Variants in GSE1 observed in about 807,000 individuals in gnomAD.
GSE1 encodes genetic suppressor element 1.
Under a neutral mutation model 112.6 loss-of-function variants are expected in GSE1, and 32 were observed. The observed-to-expected ratio is 0.28, with a 90% CI of 0.21 to 0.38. The LOEUF (loss-of-function observed/expected upper bound fraction) is 0.38. Ranked by LOEUF, GSE1 falls within the 10% of genes least tolerant of loss-of-function variation. The probability of loss-of-function intolerance (pLI) is 1.00; values close to 1 mark genes in which losing one functional copy is unlikely to be tolerated. For synonymous variants in GSE1, 1,115 were observed against 735.6 expected (o/e 1.52, Z -8.35); for missense variants, 2,348 against 1,699.2 (o/e 1.38, Z -6.71).
At chr16:85,421,425 C>A (rs549953925) in intron 2 of GSE1, among the ~76,000 whole-genome samples, 12 of 152,276 alleles carry the variant, frequency 7.9e-5, no homozygotes, top group Non-Finnish European at 1.6e-4. Flanking sequence ...GGGGCTCCAC[C>A]GCCTCATTCA....
intron 1 of GSE1, among the ~76,000 whole-genome samples, chr16:85,305,484 G>A (rs2045653583): frequency 2.7e-5 from 4 of 150,428 alleles, no homozygotes; most frequent in Admixed American, 2.6e-4. Context: ...TTTTTTGTTT[G>A]TTTGTTTTGT....
chr16:85,364,527 G>C (rs757096030), intron 2 of GSE1, among the ~76,000 whole-genome samples: 1 of 152,224 alleles, frequency 6.6e-6, no homozygotes, highest in Non-Finnish European at 1.5e-5. Context: ...CCCCGGTGCC[G>C]TAACAGACAG....
rs1223447476 is a variant in GSE1, at chr16:85,410,174, G to A, written c.2464+52531G>A. 3.3e-3 allele frequency among the ~76,000 whole-genome samples: 103 copies of A among 31,678 alleles called. 1 individual carries two copies. Among genetic ancestry groups the A allele is most frequent in the Non-Finnish European group, 4.1e-3 (75 of 18,090 alleles). The allele number at this position is 31,678 out of a possible 152,430, so 20.8% of individuals were successfully genotyped here. A position where few individuals can be genotyped will look rare whatever the true frequency, so the allele number is the denominator to read the frequency against. ...TCGCTGTTACACTCAGGGCCCCCCT[G>A]GATAATCCTCACTGTTACACTCAGG... is the stretch of plus-strand genomic sequence containing the variant. On this transcript the variant is annotated intron_variant, in intron 2 of 2. Transcript: ENST00000637419.
chr16:85,261,258 T>G (rs767265342), intron 1 of GSE1, among the ~76,000 whole-genome samples: 84 of 152,216 alleles, frequency 5.5e-4, no homozygotes, highest in Middle Eastern at 3.2e-3. Flanking sequence ...CCCAGTGTCG[T>G]GTGCTTGCCT....
At chr16:85,633,541 C>T (rs2049726925) in intron 1 of GSE1, among the ~76,000 whole-genome samples, 1 of 152,192 alleles carries the variant, frequency 6.6e-6, no homozygotes, top group Non-Finnish European at 1.5e-5. Context: ...CACGCCTCCT[C>T]CGCCTGGGCC....
intron 1 of GSE1, among the ~76,000 whole-genome samples, chr16:85,258,474 G>A (rs1440341644): frequency 6.6e-6 from 1 of 152,088 alleles, no homozygotes; most frequent in African/African-American, 2.4e-5. Flanking sequence ...AACAGCAGCA[G>A]GCAAACCCAG....
intron 2 of GSE1, among the ~76,000 whole-genome samples, chr16:85,635,161 A>G (rs1598477469): frequency 6.6e-6 from 1 of 152,132 alleles, no homozygotes; most frequent in East Asian, 1.9e-4. Context: ...TCATTTCTGA[A>G]TGTCTCCTTC....
chr16:85,373,746 G>A lies in GSE1; in HGVS notation c.2464+16103G>A, dbSNP rs967246100. ...GGGACGAAAGGGCGAATGAATGAGCGCTGGCCGCCTTCTCCCGGCAGGCCT... is the reference window on the plus strand; with the variant it reads ...GGGACGAAAGGGCGAATGAATGAGCACTGGCCGCCTTCTCCCGGCAGGCCT... On this transcript the variant is annotated intron_variant, in intron 2 of 2. Transcript: ENST00000637419. This position sits in a 1 kb window ranked among gnomAD's most constrained non-coding sequence, Gnocchi z 5.1. 2.6e-5 allele frequency among the ~76,000 whole-genome samples: 4 copies of A among 152,142 alleles called. No individual in the cohort carries two copies. The highest frequency in any genetic ancestry group is 9.7e-5 in the African/African-American group (4 of 41,442).
chr16:85,200,742 TG>T (rs1315246584), intron 1 of GSE1, among the ~76,000 whole-genome samples: 1 of 152,228 alleles, frequency 6.6e-6, no homozygotes, highest in African/African-American at 2.4e-5. Context: ...CGTGCTAAGA[TG>T]ACGGGAAATG....
chr16:85,227,115 A>G (rs2075502935), intron 1 of GSE1, among the ~76,000 whole-genome samples: 1 of 151,708 alleles, frequency 6.6e-6, no homozygotes, highest in Non-Finnish European at 1.5e-5. Context: ...CCATCCATCC[A>G]TCCATCCATC....
chr16:85,445,440 G>A (rs578185334), intron 2 of GSE1, among the ~76,000 whole-genome samples: 55 of 152,290 alleles, frequency 3.6e-4, no homozygotes, highest in Non-Finnish European at 5.4e-4. Flanking sequence ...CGCACAGCGA[G>A]GGGGGGCGGC....
chr16:85,557,339 C>T (rs1021567262), intron 1 of GSE1, among the ~76,000 whole-genome samples: 1 of 152,026 alleles, frequency 6.6e-6, no homozygotes, highest in Non-Finnish European at 1.5e-5. Flanking sequence ...TGATTTTATT[C>T]CTCCCTCCCT....
chr16:85,622,813 C>A (rs954833863), intron 1 of GSE1, among the ~76,000 whole-genome samples: 1 of 152,222 alleles, frequency 6.6e-6, no homozygotes, highest in African/African-American at 2.4e-5. Context: ...CTTTCTGTTA[C>A]ACCCTCATGG....
chr16:85,536,997 C>T (rs763670489), intron 2 of GSE1, among the ~76,000 whole-genome samples: 5 of 152,186 alleles, frequency 3.3e-5, no homozygotes, highest in African/African-American at 9.7e-5. Flanking sequence ...TTCCGGCCAG[C>T]AGGCCCCACC....
intron 15 of GSE1, among the ~76,000 whole-genome samples, chr16:85,671,584 A>C (rs2053344166): frequency 6.6e-6 from 1 of 152,194 alleles, no homozygotes. Flanking sequence ...AGTGCACTCC[A>C]GCCTGGTTGA....
chr16:85,520,631 C>T (rs1470361927), intron 2 of GSE1, among the ~76,000 whole-genome samples: 1 of 151,956 alleles, frequency 6.6e-6, no homozygotes, highest in East Asian at 1.9e-4. Flanking sequence ...CCATGTTGGC[C>T]AGGCTGGTCT....
chr16:85,335,254 T>A (rs1361685384), intron 1 of GSE1, among the ~76,000 whole-genome samples: 3 of 152,206 alleles, frequency 2.0e-5, no homozygotes, highest in African/African-American at 7.2e-5. Context: ...TGAGCGGCCC[T>A]GAGTAGTTTT....
intron 2 of GSE1, among the ~76,000 whole-genome samples, chr16:85,360,392 C>G (rs904779731): frequency 1.3e-5 from 2 of 151,630 alleles, no homozygotes; most frequent in Non-Finnish European, 2.9e-5. Flanking sequence ...GGGGCAGGGC[C>G]GGGGCACGAA....
chr16:85,180,078 A>G (rs1324282762), intron 1 of GSE1, among the ~76,000 whole-genome samples: 3 of 152,204 alleles, frequency 2.0e-5, no homozygotes, highest in Non-Finnish European at 2.9e-5. Flanking sequence ...CTGTGAGCCC[A>G]TGGCTCTCAG....
Sources: allele counts gnomAD v4.1 joint callset (sites outside exome capture counted in the v4.1 genomes callset), GRCh38; gene constraint gnomAD v4.1.1; non-coding constraint Gnocchi (gnomAD v3.1); transcripts MANE v1.5; gene names NCBI Gene and HGNC (gene_info 2026-07-23, HGNC 2026-07-21).